RPSA: variants seen among roughly 807,000 people sequenced by gnomAD.
RPSA encodes small ribosomal subunit protein uS2.
For synonymous variants in RPSA, 103 were observed against 126.7 expected, an observed-to-expected ratio of 0.81 and a Z score of 1.25; for missense variants, 140 against 372.8, an observed-to-expected ratio of 0.38 and a Z score of 5.14.
chr3:39,410,746 C>G lies in RPSA; in HGVS notation c.253-8C>G. 1.2e-6 allele frequency: 2 copies of G among 1,613,864 alleles called. No individual in the cohort carries two copies. The highest frequency in any genetic ancestry group is 1.7e-4 in the Middle Eastern group (1 of 6,056). ...ATCGAGTACCACTAACTTTTAAATT[C>G]TTCAAAGAGGGCTGTGCTGAAGTTT... On this transcript the variant is annotated splice_region_variant and splice_polypyrimidine_tract_variant and intron_variant, in intron 3 of 6. Coordinates refer to ENST00000301821, the MANE Select transcript of RPSA (RefSeq NM_002295.6).
intron 3 of RPSA, chr3:39,409,127 TA>T (rs34087363): frequency 0.88 from 124,176 of 140,354 alleles, 57,124 homozygotes; most frequent in Non-Finnish European, 1. Flanking sequence ...ACTCCACTGT[TA>T]AGAGATCTTA....
intron 3 of RPSA, chr3:39,408,959 G>T (rs1017658217): frequency 4.5e-6 from 2 of 444,916 alleles, no homozygotes; most frequent in Non-Finnish European, 8.3e-6. Context: ...GGGGGCGGGT[G>T]CCTGTAGTCC....
intron 1 of RPSA, 103 bp downstream of exon 1, chr3:39,406,867 T>C (rs1038037410): frequency 8.8e-6 from 4 of 456,314 alleles, no homozygotes; most frequent in Non-Finnish European, 1.8e-5. Context: ...CCGGTCAGAC[T>C]GGATCTGTCT....
Position 39,408,828 on chromosome 3 carries a change from G to A in RPSA, c.252+104G>A, listed in dbSNP as rs140509784. ...AACAGAAATAACTCAGGCCGGGCGC[G>A]GTGGCTACGCCTGTAATCCCAGCAC... On this transcript the variant is annotated intron_variant, in intron 3 of 6. Transcript: ENST00000301821. The A allele has an allele frequency of 1.9e-3, 1,482 of 785,022 alleles. 2 individuals are homozygous for A. Among genetic ancestry groups the A allele is most frequent in the African/African-American group, 2.9e-3 (172 of 58,898 alleles). The allele number at this position is 785,022 out of a possible 1,614,324, so 48.6% of individuals were successfully genotyped here.
At position 39,411,657 on chromosome 3, in the gene RPSA, C is replaced by T; in HGVS notation, c.507C>T (p.His169=). The change falls in exon 5 of 7, where the codon CAC becomes CAT. Residue 169 remains histidine (H), a synonymous_variant. Coordinates refer to ENST00000301821, the MANE Select transcript of RPSA (RefSeq NM_002295.6). The part of the protein sequence containing the change: ...IAIPCNNKGA[H]SVGLMWWMLA... ...TCTGCCACTCTTGGCAGGGAGCTCA[C>T]TCAGTGGGTTTGATGTGGTGGATGC... 6.2e-7 allele frequency: 1 copy of T among 1,609,398 alleles called. No individual in the cohort carries two copies. Among genetic ancestry groups the T allele is most frequent in the Non-Finnish European group, 8.5e-7 (1 of 1,180,010 alleles).
chr3:39,409,586 A>C (rs1032204228), intron 3 of RPSA, among the ~76,000 whole-genome samples: 2 of 152,196 alleles, frequency 1.3e-5, no homozygotes. Flanking sequence ...GTGCCACTAA[A>C]TATCTAGAAA....
Position 39,407,534 on chromosome 3 carries a change from T to C in RPSA, c.-33-87T>C, listed in dbSNP as rs552744541. 2.7e-5 allele frequency: 25 copies of C among 921,446 alleles called. No individual in the cohort carries two copies. The African/African-American group carries it at 3.9e-4, about 14-fold the overall frequency. 57.1% of individuals were successfully genotyped at this position (921,446 alleles called of 1,614,324 possible). ...ACTGTAAGCTCAATGCCTGACACTA[T>C]AGCAGATGGAGTTTTTGGTTGCTTT... On this transcript the variant is annotated intron_variant, in intron 1 of 6. Coordinates refer to ENST00000301821, the MANE Select transcript of RPSA (RefSeq NM_002295.6).
chr3:39,409,448 A>T (rs1018147323), intron 3 of RPSA, among the ~76,000 whole-genome samples: 5 of 151,862 alleles, frequency 3.3e-5, no homozygotes, highest in Admixed American at 3.3e-4. Context: ...TGATCCTCCC[A>T]CCTCGGCCTC....
Position 39,406,761 on chromosome 3 carries a change from C to T in RPSA, c.-37C>T. The T allele has an allele frequency of 2.3e-6, 1 of 430,388 alleles. No individual in the cohort carries two copies. The highest frequency in any genetic ancestry group is 7.2e-5 in the East Asian group (1 of 13,960). The allele number at this position is 430,388 out of a possible 1,614,324, so 26.7% of individuals were successfully genotyped here. ...GCAGAGGGGTCCATACGGCGTTGTT[C>T]TGGGTGAGTTCCGTGTAGCGTCCCT... On this transcript the variant is annotated 5_prime_UTR_variant, in exon 1 of 7. Coordinates refer to ENST00000301821, the MANE Select transcript of RPSA (RefSeq NM_002295.6).
At chr3:39,407,877 C>T (rs1325709172) in intron 2 of RPSA, 91 bp downstream of exon 2, 4 of 988,106 alleles carry the variant, frequency 4.0e-6, no homozygotes, top group South Asian at 2.9e-5. Flanking sequence ...TAATTTCTTT[C>T]TATCTTCCTT....
Position 39,411,878 on chromosome 3 carries a change from T to G in RPSA, c.628-18T>G. The G allele has an allele frequency of 6.3e-7, 1 of 1,586,476 alleles. No homozygotes were observed. Among genetic ancestry groups the G allele is most frequent in the East Asian group, 2.2e-5 (1 of 44,538 alleles). ...GTCAGTCCCTGTAAGTCTTTCCTCT[T>G]TTTTTTTTGTAACCCAGATTGAAAA... On this transcript the variant is annotated intron_variant, in intron 5 of 6. Coordinates refer to ENST00000301821, the MANE Select transcript of RPSA (RefSeq NM_002295.6).
chr3:39,407,088 T>G (rs1209316462), intron 1 of RPSA: 10 of 443,240 alleles, frequency 2.3e-5, no homozygotes, highest in Non-Finnish European at 4.5e-5. Flanking sequence ...CGGCGGTGAG[T>G]CTAGGCCCAG....
At chr3:39,409,995 G>A (rs1316479392) in intron 3 of RPSA, among the ~76,000 whole-genome samples, 1 of 152,200 alleles carries the variant, frequency 6.6e-6, no homozygotes, top group Non-Finnish European at 1.5e-5. Flanking sequence ...TGGGTGTGGT[G>A]TTGGCGTGCC....
chr3:39,407,239 G>C (rs1403324001), intron 1 of RPSA, among the ~76,000 whole-genome samples: 1 of 152,208 alleles, frequency 6.6e-6, no homozygotes, highest in African/African-American at 2.4e-5. Context: ...CCTACAATCT[G>C]CTTGAAAATG....
Position 39,412,317 on chromosome 3 carries a change from T to C in RPSA, c.837T>C (p.Ala279=). 1.2e-6 allele frequency: 2 copies of C among 1,608,994 alleles called. No individual in the cohort carries two copies. Among genetic ancestry groups the C allele is most frequent in the Non-Finnish European group, 1.7e-6 (2 of 1,176,210 alleles). ...AQPATEDWSA[A]PTAQATEWVG... The stretch of plus-strand genomic sequence containing the variant: ...CTGCCACGGAAGACTGGTCTGCAGC[T>C]CCCACTGCTCAGGCCACTGAATGGG... The change falls in exon 7 of 7, where the codon GCT becomes GCC. Residue 279 remains alanine (A), a synonymous_variant. Transcript: ENST00000301821.
chr3:39,408,562 G>C lies in RPSA; in HGVS notation c.134-44G>C, dbSNP rs79914243. 2.0e-3 allele frequency: 2,132 copies of C among 1,074,584 alleles called. 29 individuals are homozygous for C. In the African/African-American group the frequency reaches 0.03, roughly 15 times the overall value. The allele number at this position is 1,074,584 out of a possible 1,614,324, so 66.6% of individuals were successfully genotyped here. A position where few individuals can be genotyped will look rare whatever the true frequency, so the allele number is the denominator to read the frequency against. The stretch of plus-strand genomic sequence containing the variant: ...TAGAGTAAACTTGAGAAGAATGTTT[G>C]CACAGCCAGGTCAAGTGTTACAAAT... On this transcript the variant is annotated intron_variant, in intron 2 of 6. Transcript: ENST00000301821.
intron 6 of RPSA, 62 bp downstream of exon 6, chr3:39,412,123 CTT>C: frequency 1.4e-6 from 2 of 1,479,500 alleles, no homozygotes; most frequent in Non-Finnish European, 1.9e-6. Flanking sequence ...TTTATTCTAA[CTT>C]TAATGATCTC....
intron 6 of RPSA, 47 bp downstream of exon 6, chr3:39,412,108 T>G: frequency 6.4e-7 from 1 of 1,557,926 alleles, no homozygotes; most frequent in Non-Finnish European, 8.8e-7. Flanking sequence ...TTGCAACTTC[T>G]CAGTTTTATT....
rs1559400076 is a variant in RPSA at position 39,410,966 on chromosome 3, C to T, written c.465C>T (p.Arg155=). 6.3e-7 allele frequency: 1 copy of T among 1,599,510 alleles called. No individual in the cohort carries two copies. The highest frequency in any genetic ancestry group is 8.5e-7 in the Non-Finnish European group (1 of 1,179,728). Residue 155 remains arginine (R), a synonymous_variant, in exon 4 of 7, where the codon CGC becomes CGT. Transcript: ENST00000301821. ...TGTGTAACACAGATTCTCCTCTGCG[C>T]TATGTGGACATTGCCATCCCATGCA... ...IALCNTDSPL[R]YVDIAIPCNN...
Sources: gnomAD v4.1 joint callset for allele counts (sites outside exome capture counted in the v4.1 genomes callset) on GRCh38, gnomAD v4.1.1 for gene constraint, MANE v1.5 for transcripts, NCBI Gene and HGNC (gene_info 2026-07-23, HGNC 2026-07-21) for gene names.